The following DOK5 variants were observed in gnomAD, a reference collection of about 807,000 sequenced individuals.
DOK5 encodes docking protein 5, also known as downstream of tyrosine kinase 5.
DOK5 carries 27 observed loss-of-function variants against 43.3 expected under a neutral mutation model. The ratio of observed to expected loss-of-function variants is 0.62; its 90% CI spans 0.46 to 0.86. The LOEUF (loss-of-function observed/expected upper bound fraction) is 0.86. Among genes scored for constraint, DOK5 ranks in the 40% least tolerant of loss-of-function variants. The pLI is 0.00. For missense variants in DOK5, 373 were observed against 392.9 expected, an observed-to-expected ratio of 0.95 and a Z score of 0.43; for synonymous variants, 146 against 140.1, an observed-to-expected ratio of 1.04 and a Z score of -0.30.
rs1600709577 is a variant in DOK5, at chr20:54,571,871, C to T, written c.175-16612C>T. On this transcript the variant is annotated intron_variant, in intron 2 of 7. Transcript: ENST00000262593. ...TCCTGTTGCCAACTTCCTCCCATCA[C>T]TCTTCCCTACGTTTTCATCATACCA... Among the ~76,000 whole-genome samples, 9 of 152,322 alleles carry T rather than the reference C, an allele frequency of 5.9e-5. 1 individual carries two copies. In the South Asian group the frequency reaches 1.9e-3, roughly 32 times the overall value.
intron 1 of DOK5, among the ~76,000 whole-genome samples, chr20:54,483,522 C>A (rs1305826355): frequency 6.6e-6 from 1 of 152,126 alleles, no homozygotes; most frequent in Non-Finnish European, 1.5e-5. Context: ...AGGAATTAAT[C>A]TGAGTAACAG....
intron 1 of DOK5, among the ~76,000 whole-genome samples, chr20:54,533,076 G>A (rs1232578075): frequency 1.3e-5 from 2 of 152,188 alleles, no homozygotes; most frequent in African/African-American, 2.4e-5. Context: ...CTGGGATAAT[G>A]GCTTTAATTT....
intron 1 of DOK5, among the ~76,000 whole-genome samples, chr20:54,510,063 A>G (rs1306433797): frequency 6.6e-6 from 1 of 152,140 alleles, no homozygotes; most frequent in African/African-American, 2.4e-5. Context: ...GCACACGCTT[A>G]CCTATGTAAC....
intron 7 of DOK5, among the ~76,000 whole-genome samples, chr20:54,644,757 G>T (rs1403115342): frequency 2.7e-5 from 4 of 150,586 alleles, no homozygotes; most frequent in Non-Finnish European, 5.9e-5. Context: ...GCATGTGCCT[G>T]TAATCCCAGC....
intron 6 of DOK5, among the ~76,000 whole-genome samples, chr20:54,615,128 G>T (rs548799374): frequency 6.6e-6 from 1 of 152,300 alleles, no homozygotes; most frequent in African/African-American, 2.4e-5. Flanking sequence ...CCAAGAGTGT[G>T]TCTACAGACA....
intron 1 of DOK5, among the ~76,000 whole-genome samples, chr20:54,512,938 G>T (rs1048333396): frequency 6.6e-6 from 1 of 152,190 alleles, no homozygotes; most frequent in Admixed American, 6.5e-5. Context: ...AACTCATGAT[G>T]TAGGTTTGTT....
intron 2 of DOK5, among the ~76,000 whole-genome samples, chr20:54,567,442 C>T (rs1379682499): frequency 6.6e-6 from 1 of 151,932 alleles, no homozygotes; most frequent in Non-Finnish European, 1.5e-5. Context: ...AAAAATTATT[C>T]TTTCCTTATT....
intron 1 of DOK5, chr20:54,476,306 G>A: frequency 3.6e-6 from 3 of 839,688 alleles, no homozygotes; most frequent in African/African-American, 1.8e-5. Flanking sequence ...GGTAGCCATG[G>A]AAGTTGGAGC....
At chr20:54,605,594 C>T (rs7261209) in intron 5 of DOK5, among the ~76,000 whole-genome samples, 3,407 of 152,344 alleles carry the variant, frequency 0.022, 92 homozygotes, top group African/African-American at 0.061. Context: ...CCTTCTTTCT[C>T]AAACCACTCC....
chr20:54,506,074 G>T (rs1982793210), intron 1 of DOK5, among the ~76,000 whole-genome samples: 1 of 152,148 alleles, frequency 6.6e-6, no homozygotes, highest in African/African-American at 2.4e-5. Flanking sequence ...CTTGAACTGG[G>T]GTTAGAGCTG....
At chr20:54,636,811 A>G (rs754446591) in intron 6 of DOK5, among the ~76,000 whole-genome samples, 1 of 152,220 alleles carries the variant, frequency 6.6e-6, no homozygotes, top group Non-Finnish European at 1.5e-5. Flanking sequence ...ATAACTCATT[A>G]GATGGTTACA....
chr20:54,513,016 G>A (rs1983063385), intron 1 of DOK5, among the ~76,000 whole-genome samples: 1 of 152,154 alleles, frequency 6.6e-6, no homozygotes, highest in Non-Finnish European at 1.5e-5. Context: ...TCCTCGGGTT[G>A]TTTGGGGTCA....
At position 54,572,896 on chromosome 20, in the gene DOK5, G is replaced by A. The variant is rs139128281; in HGVS notation, c.175-15587G>A. On this transcript the variant is annotated intron_variant, in intron 2 of 7. Coordinates refer to ENST00000262593, the MANE Select transcript of DOK5 (RefSeq NM_018431.5). ...TCAGCCTTCTTGCTTTTACAGTGTG[G>A]ATGATGCCAATATTCACCTCTGGAA... Among the ~76,000 whole-genome samples the A allele has an allele frequency of 5.1e-3, 772 of 152,238 alleles. 6 individuals are homozygous for A. The highest frequency in any genetic ancestry group is 0.017 in the African/African-American group (723 of 41,554).
chr20:54,546,765 C>T (rs1984362888), intron 1 of DOK5, among the ~76,000 whole-genome samples: 1 of 152,166 alleles, frequency 6.6e-6, no homozygotes, highest in Non-Finnish European at 1.5e-5. Context: ...AACCTAACTG[C>T]AGCCCAGTGC....
At chr20:54,576,865 A>G (rs1409277737) in intron 2 of DOK5, among the ~76,000 whole-genome samples, 1 of 152,262 alleles carries the variant, frequency 6.6e-6, no homozygotes, top group Non-Finnish European at 1.5e-5. Context: ...ATTTTTACTT[A>G]GAAATTAAGA....
intron 1 of DOK5, among the ~76,000 whole-genome samples, chr20:54,529,260 T>C (rs1983681042): frequency 6.6e-6 from 1 of 152,216 alleles, no homozygotes; most frequent in Non-Finnish European, 1.5e-5. Context: ...TTTCTTGAAG[T>C]AGTATATTCC....
rs1468222232 is a variant in DOK5, at chr20:54,521,155, TATC to T, written c.67-33775_67-33773del. On this transcript the variant is annotated intron_variant, in intron 1 of 7. Transcript: ENST00000262593. Reference sequence around the variant, plus strand: ...ATGGCACTTACCATCTGTTATCTGGTATCATGTCACTTTTCACCAGCTGTGGTA... The same window carrying T: ...ATGGCACTTACCATCTGTTATCTGGTATGTCACTTTTCACCAGCTGTGGTA... Among the ~76,000 whole-genome samples, 7 of 152,220 alleles carry T rather than the reference TATC, an allele frequency of 4.6e-5. No homozygotes were observed. In the East Asian group the frequency reaches 1.4e-3, roughly 29 times the overall value.
At position 54,530,366 on chromosome 20, in the gene DOK5, G is replaced by A. The variant is rs1600683279; in HGVS notation, c.67-24567G>A. On this transcript the variant is annotated intron_variant, in intron 1 of 7. Coordinates refer to ENST00000262593, the MANE Select transcript of DOK5 (RefSeq NM_018431.5). ...ACCTGCAAAGCTGTTTTCTATGGGC[G>A]AGATTTGCATCTGTAGAGAGTCTAC... Among the ~76,000 whole-genome samples, 4 of 152,262 alleles carry A rather than the reference G, an allele frequency of 2.6e-5. No homozygotes were observed. In the South Asian group the frequency reaches 6.2e-4, roughly 24 times the overall value.
chr20:54,479,624 G>A (rs1426963380), intron 1 of DOK5, among the ~76,000 whole-genome samples: 1 of 152,130 alleles, frequency 6.6e-6, no homozygotes, highest in East Asian at 1.9e-4. Context: ...GGAAACTCGG[G>A]TTTATTTATC....
Sources: gnomAD v4.1 joint callset for allele counts (sites outside exome capture counted in the v4.1 genomes callset) on GRCh38, gnomAD v4.1.1 for gene constraint, MANE v1.5 for transcripts, NCBI Gene and HGNC (gene_info 2026-07-23, HGNC 2026-07-21) for gene names.